Variants in CDS2 observed in about 807,000 individuals in gnomAD.
CDS2 encodes CDP-diacylglycerol synthase 2.
CDS2 carries 47 observed loss-of-function variants against 59.0 expected under a neutral mutation model. The observed-to-expected ratio is 0.80, with a 90% CI of 0.63 to 1.02. CDS2 has a LOEUF of 1.02. Among genes scored for constraint, CDS2 ranks in the 50% least tolerant of loss-of-function variants. The pLI, the probability that CDS2 is intolerant of heterozygous loss-of-function variation, is 0.00. For missense variants in CDS2, 356 were observed against 558.9 expected, an observed-to-expected ratio of 0.64 and a Z score of 3.66; for synonymous variants, 207 against 206.4, an observed-to-expected ratio of 1.00 and a Z score of -0.02.
At chr20:5,169,583 T>C (rs544821138) in intron 1 of CDS2, among the ~76,000 whole-genome samples, 1 of 152,346 alleles carries the variant, frequency 6.6e-6, no homozygotes, top group East Asian at 1.9e-4. Context: ...CACTGCCGTG[T>C]CTGACATGTA....
chr20:5,163,002 A>T (rs1451290592), intron 1 of CDS2, among the ~76,000 whole-genome samples: 2 of 152,210 alleles, frequency 1.3e-5, no homozygotes, highest in Non-Finnish European at 2.9e-5. Context: ...TAGGGAGATC[A>T]TACTGAGGCC....
chr20:5,163,122 T>C (rs186065070), intron 1 of CDS2, among the ~76,000 whole-genome samples: 1 of 152,282 alleles, frequency 6.6e-6, no homozygotes, highest in East Asian at 1.9e-4. Flanking sequence ...AGCGTGAGGA[T>C]CACTTGAGGC....
intron 1 of CDS2, among the ~76,000 whole-genome samples, chr20:5,151,750 CTTTTTTTTTTT>C (rs57378947): frequency 0.015 from 798 of 53,180 alleles, 20 homozygotes; most frequent in African/African-American, 0.039. Flanking sequence ...GACTCCATGT[CTTTTTTTTTTT>C]TTTTTTTTTT....
intron 1 of CDS2, among the ~76,000 whole-genome samples, chr20:5,135,416 C>G (rs1180683619): frequency 1.3e-5 from 2 of 152,176 alleles, no homozygotes; most frequent in East Asian, 3.8e-4. Context: ...TGGACTGGCA[C>G]TAGAGGCTGT....
chr20:5,156,509 G>T (rs1433341462), intron 1 of CDS2, among the ~76,000 whole-genome samples: 12 of 152,104 alleles, frequency 7.9e-5, no homozygotes, highest in Non-Finnish European at 1.3e-4. Flanking sequence ...GCTCACTAAG[G>T]GGCAGTGTGG....
intron 1 of CDS2, among the ~76,000 whole-genome samples, chr20:5,165,283 G>A (rs1201168461): frequency 6.6e-6 from 1 of 152,202 alleles, no homozygotes; most frequent in Admixed American, 6.5e-5. Flanking sequence ...CAGTGGGACA[G>A]CTGGCTGCAG....
At chr20:5,175,159 T>C (rs1375019016) in intron 2 of CDS2, 24 bp from the exon 3 acceptor site, 15 of 1,583,846 alleles carry the variant, frequency 9.5e-6, no homozygotes, top group Non-Finnish European at 1.3e-5. Flanking sequence ...TGGTGTTTTC[T>C]CCTTCCCCTG....
chr20:5,141,629 G>A (rs1166911104), intron 1 of CDS2, among the ~76,000 whole-genome samples: 1 of 152,140 alleles, frequency 6.6e-6, no homozygotes, highest in Non-Finnish European at 1.5e-5. Context: ...TGTATTGGGT[G>A]GGGGGTGATG....
chr20:5,180,921 C>T (rs751606594), intron 5 of CDS2, among the ~76,000 whole-genome samples: 5 of 152,058 alleles, frequency 3.3e-5, no homozygotes, highest in African/African-American at 1.2e-4. Context: ...TAGAGAGGAG[C>T]TCAGTCAGAA....
chr20:5,133,929 T>A (rs1205904646), intron 1 of CDS2, among the ~76,000 whole-genome samples: 1 of 152,208 alleles, frequency 6.6e-6, no homozygotes, highest in East Asian at 1.9e-4. Context: ...ATAGATATGA[T>A]ACCCAAATGT....
intron 1 of CDS2, among the ~76,000 whole-genome samples, chr20:5,163,374 G>T (rs1218324638): frequency 1.8e-4 from 28 of 152,096 alleles, no homozygotes; most frequent in Admixed American, 1.8e-3. Context: ...CGATTCTCCT[G>T]CCTCAGCCTC....
chr20:5,176,682 T>G lies in CDS2; in HGVS notation c.326T>G (p.Ile109Arg). The G allele has an allele frequency of 1.2e-6, 2 of 1,614,018 alleles. No individual in the cohort carries two copies. Among genetic ancestry groups the G allele is most frequent in the Non-Finnish European group, 1.7e-6 (2 of 1,179,848 alleles). Residue 109 changes from isoleucine to arginine, a missense_variant, in exon 4 of 13, where the codon ATA becomes AGA. Ile to Arg is a moderately conservative substitution (Grantham distance 97). This residue lies in a region of CDS2 where 87 missense variants were observed against 193.3 expected (regional missense o/e 0.45). Transcript: ENST00000460006. ...MCVQIKCFHE[I>R]ITIGYNVYHS... is the part of the protein sequence containing the mutation. ...GTTCAGATTAAGTGTTTCCATGAGATAATCACTATTGGCTACAACGTCTAC... is the reference window on the plus strand; with the variant it reads ...GTTCAGATTAAGTGTTTCCATGAGAGAATCACTATTGGCTACAACGTCTAC...
chr20:5,134,020 A>G (rs911047571), intron 1 of CDS2, among the ~76,000 whole-genome samples: 7 of 152,226 alleles, frequency 4.6e-5, no homozygotes, highest in African/African-American at 1.4e-4. Context: ...AAAAGGTCTC[A>G]GAGTAAATGT....
chr20:5,142,169 G>A (rs766549823), intron 1 of CDS2, among the ~76,000 whole-genome samples: 6 of 152,128 alleles, frequency 3.9e-5, no homozygotes, highest in South Asian at 2.1e-4. Context: ...ATTTAAGGCC[G>A]AGTGCGGTGG....
At chr20:5,171,839 A>G (rs778241896) in intron 1 of CDS2, among the ~76,000 whole-genome samples, 1 of 152,182 alleles carries the variant, frequency 6.6e-6, no homozygotes, top group Non-Finnish European at 1.5e-5. Context: ...GTGGCAGAGT[A>G]GGGAGCAGTC....
intron 4 of CDS2, among the ~76,000 whole-genome samples, chr20:5,178,422 G>A (rs551964812): frequency 1.2e-4 from 18 of 152,274 alleles, no homozygotes; most frequent in African/African-American, 2.6e-4. Flanking sequence ...TGGCAAAGCC[G>A]GAAGAAACCA....
rs1315485900 is a variant in CDS2, at chr20:5,197,293, G to T, written c.*7059G>T. 2 of 137,246 alleles carry T rather than the reference G, an allele frequency of 1.5e-5. No homozygotes were observed. The highest frequency in any genetic ancestry group is 5.5e-5 in the African/African-American group (2 of 36,608). The allele number at this position is 137,246 out of a possible 1,614,324, so 8.5% of individuals were successfully genotyped here. On this transcript the variant is annotated 3_prime_UTR_variant, in exon 13 of 13. Coordinates refer to ENST00000460006, the MANE Select transcript of CDS2 (RefSeq NM_003818.4). Reference sequence around the variant, plus strand: ...GAGCTGTGGACATCCTTCTTAATTCGATTCTGAGGATTTGTTTAACTAAAA... The same window carrying T: ...GAGCTGTGGACATCCTTCTTAATTCTATTCTGAGGATTTGTTTAACTAAAA...
chr20:5,149,798 C>G (rs953286289), intron 1 of CDS2, among the ~76,000 whole-genome samples: 7 of 152,066 alleles, frequency 4.6e-5, no homozygotes, highest in African/African-American at 1.7e-4. Flanking sequence ...TCACTGCAAC[C>G]TCCGCCCCCC....
intron 1 of CDS2, among the ~76,000 whole-genome samples, chr20:5,146,160 C>T (rs987156830): frequency 1.3e-5 from 2 of 152,142 alleles, no homozygotes; most frequent in African/African-American, 4.8e-5. Context: ...AACATAGAAG[C>T]AGGCAGTTGC....
Sources: allele counts gnomAD v4.1 joint callset (sites outside exome capture counted in the v4.1 genomes callset), GRCh38; gene constraint gnomAD v4.1.1; regional missense constraint gnomAD v4.1.1; transcripts MANE v1.5; gene names NCBI Gene and HGNC (gene_info 2026-07-23, HGNC 2026-07-21).